DEPDC5: variants seen among roughly 807,000 people sequenced by gnomAD.
DEPDC5 encodes the protein DEP domain containing 5, GATOR1 subcomplex subunit, also known as GATOR1 complex protein DEPDC5.
In DEPDC5, 73 loss-of-function variants were observed where a neutral mutation model predicts 217.3. The ratio of observed to expected loss-of-function variants is 0.34; its 90% CI spans 0.28 to 0.41. DEPDC5 has a LOEUF of 0.41. Among genes scored for constraint, DEPDC5 ranks in the 10% least tolerant of loss-of-function variants. The pLI is 1.00. For synonymous variants in DEPDC5, 733 were observed against 756.7 expected (o/e 0.97, Z 0.51); for missense variants, 1,675 against 2,070.1 (o/e 0.81, Z 3.70).
intron 15 of DEPDC5, among the ~76,000 whole-genome samples, chr22:31,803,646 T>C (rs1460439302): frequency 3.3e-5 from 5 of 151,972 alleles, no homozygotes; most frequent in African/African-American, 1.2e-4. Flanking sequence ...GTTGGGACGC[T>C]GAGGCAGTAG....
intron 14 of DEPDC5, among the ~76,000 whole-genome samples, chr22:31,800,045 C>G (rs144743439): frequency 0.034 from 5,136 of 152,060 alleles, 137 homozygotes; most frequent in African/African-American, 0.07. Context: ...TCGTGATCCG[C>G]CCACCTTGGC....
intron 37 of DEPDC5, 123 bp from the exon 38 acceptor site, chr22:31,879,402 T>C: frequency 1.2e-6 from 1 of 842,450 alleles, no homozygotes; most frequent in Middle Eastern, 2.3e-4. Context: ...ATACAGTATG[T>C]GGCCTTGTGT....
At chr22:31,880,297 TGGG>T (rs2049586155) in intron 38 of DEPDC5, 1 of 160,450 alleles carries the variant, frequency 6.2e-6, no homozygotes, top group African/African-American at 2.4e-5. Context: ...AGCTCTAAGA[TGGG>T]GGTAAACAGC....
intron 22 of DEPDC5, 105 bp downstream of exon 22, chr22:31,819,330 C>T (rs1270188861): frequency 1.6e-6 from 2 of 1,238,412 alleles, no homozygotes; most frequent in East Asian, 2.4e-5. Context: ...GTTGCTCCAC[C>T]TGTAAGATGG....
intron 8 of DEPDC5, among the ~76,000 whole-genome samples, chr22:31,780,476 C>T (rs2084312512): frequency 6.6e-6 from 1 of 152,120 alleles, no homozygotes; most frequent in South Asian, 2.1e-4. Flanking sequence ...ATCACTTCTC[C>T]CATGTGTTGT....
At chr22:31,819,766 G>A (rs956582034) in intron 22 of DEPDC5, among the ~76,000 whole-genome samples, 1 of 152,024 alleles carries the variant, frequency 6.6e-6, no homozygotes, top group African/African-American at 2.4e-5. Flanking sequence ...CACCGCATCC[G>A]GCCCTTTGTT....
At chr22:31,830,661 G>T (rs1028288036) in intron 24 of DEPDC5, among the ~76,000 whole-genome samples, 1 of 151,312 alleles carries the variant, frequency 6.6e-6, no homozygotes, top group African/African-American at 2.5e-5. Flanking sequence ...GTGTGTGTGT[G>T]TGTGTGTGTA....
At chr22:31,771,780 C>CACACACACAG (rs1187980574) in intron 7 of DEPDC5, among the ~76,000 whole-genome samples, 6 of 135,578 alleles carry the variant, frequency 4.4e-5, no homozygotes, top group African/African-American at 1.7e-4. Context: ...CACACACACA[C>CACACACACAG]AGTTAGGACT....
At chr22:31,762,345 T>A (rs761266385) in intron 4 of DEPDC5, among the ~76,000 whole-genome samples, 57 of 152,238 alleles carry the variant, frequency 3.7e-4, no homozygotes, top group Non-Finnish European at 7.6e-4. Flanking sequence ...TGGATTCAAA[T>A]CCTTTCTTTT....
intron 38 of DEPDC5, among the ~76,000 whole-genome samples, chr22:31,886,019 C>T (rs916339256): frequency 7.4e-5 from 11 of 149,076 alleles, no homozygotes; most frequent in Non-Finnish European, 1.3e-4. Context: ...GGTGACAGAG[C>T]GAGACTCCCT....
intron 31 of DEPDC5, 55 bp from the exon 32 acceptor site, chr22:31,857,390 T>G: frequency 6.8e-7 from 1 of 1,466,982 alleles, no homozygotes; most frequent in Non-Finnish European, 9.3e-7. Flanking sequence ...CCGACATGGA[T>G]CCTTCACCAG....
chr22:31,754,204 G>T (rs1032627456), intron 1 of DEPDC5, 40 bp downstream of exon 1: 2 of 153,808 alleles, frequency 1.3e-5, no homozygotes, highest in Non-Finnish European at 2.9e-5. Context: ...GATTGGGGGG[G>T]CTTGAGATAG....
intron 13 of DEPDC5, 58 bp downstream of exon 13, chr22:31,797,761 G>A: frequency 7.6e-7 from 1 of 1,317,942 alleles, no homozygotes; most frequent in South Asian, 1.2e-5. Context: ...GAGGGGTCTG[G>A]GAGACAGAGA....
intron 15 of DEPDC5, 57 bp from the exon 16 acceptor site, chr22:31,804,105 G>A (rs1188891692): frequency 4.5e-6 from 7 of 1,542,986 alleles, no homozygotes; most frequent in Non-Finnish European, 6.3e-6. Context: ...TTATAGATAG[G>A]GACACTTGTC....
At chr22:31,796,782 C>G (rs186133458) in intron 12 of DEPDC5, among the ~76,000 whole-genome samples, 6 of 151,074 alleles carry the variant, frequency 4.0e-5, no homozygotes, top group Non-Finnish European at 8.9e-5. Context: ...CTGAAACCTC[C>G]GCCTCCTGGG....
rs2086394105 is a variant in DEPDC5, at chr22:31,797,602, T to G, written c.770T>G (p.Val257Gly). The change falls in exon 13 of 43, where the codon GTG (valine) becomes GGG (glycine). Residue 257 changes from valine (V) to glycine (G), a missense_variant and splice_region_variant. Val to Gly is a moderately radical substitution (Grantham distance 109). This residue lies in a region of DEPDC5 where 628 missense variants were observed against 762.1 expected (regional missense o/e 0.82). Coordinates refer to ENST00000651528, the MANE Select transcript of DEPDC5 (RefSeq NM_001242896.3). ...TTTTATGATAATACTCTTTTCAGAG[T>G]GGTGGTGCAGAATGAGAGAAGAGAA... The part of the protein sequence containing the change: ...KGRFYEDFYK[V>G]VVQNERREEW... 1 of 1,611,882 alleles carries G rather than the reference T, an allele frequency of 6.2e-7. No homozygotes were observed. The highest frequency in any genetic ancestry group is 8.5e-7 in the Non-Finnish European group (1 of 1,178,194).
Position 31,819,168 on chromosome 22 carries a change from C to A in DEPDC5, c.1813C>A (p.Arg605=). 6.2e-7 allele frequency: 1 copy of A among 1,614,194 alleles called. No homozygotes were observed. The highest frequency in any genetic ancestry group is 2.2e-5 in the East Asian group (1 of 44,882). Residue 605 remains arginine, a synonymous_variant, in exon 22 of 43, where the codon CGG becomes AGG. Coordinates refer to ENST00000651528, the MANE Select transcript of DEPDC5 (RefSeq NM_001242896.3). ...ACTGATTAACCCCTTCGCTCCCTCT[C>A]GGATGCCCATGAAGCTTACGTCCAA... ...RALINPFAPS[R]MPMKLTSNRR...
chr22:31,829,338 C>A (rs576751224), intron 24 of DEPDC5, among the ~76,000 whole-genome samples: 12 of 152,224 alleles, frequency 7.9e-5, no homozygotes, highest in Admixed American at 3.9e-4. Context: ...TCGAGACCAG[C>A]CTGACCAACA....
In DEPDC5 at chr22:31,812,952, C is replaced by T. The variant is rs147331752; in HGVS notation, c.1446-2040C>T. On this transcript the variant is annotated intron_variant, in intron 20 of 42. Coordinates refer to ENST00000651528, the MANE Select transcript of DEPDC5 (RefSeq NM_001242896.3). Reference sequence around the variant, plus strand: ...ACGGGGTTTCTCAGTGTTGGTCAGGCTGGTCTCGAACTCCCGACCCCAGGT... The same window carrying T: ...ACGGGGTTTCTCAGTGTTGGTCAGGTTGGTCTCGAACTCCCGACCCCAGGT... Among the ~76,000 whole-genome samples, 336 of 152,106 alleles carry T rather than the reference C, an allele frequency of 2.2e-3. 2 individuals carry two copies. Among genetic ancestry groups the T allele is most frequent in the African/African-American group, 7.5e-3 (312 of 41,490 alleles).
Sources: gnomAD v4.1 joint callset for allele counts (sites outside exome capture counted in the v4.1 genomes callset) on GRCh38, gnomAD v4.1.1 for gene constraint, gnomAD v4.1.1 regional missense constraint, MANE v1.5 for transcripts, NCBI Gene and HGNC (gene_info 2026-07-23, HGNC 2026-07-21) for gene names.